TRAPPC9: variants seen among roughly 807,000 people sequenced by gnomAD.
The protein encoded by TRAPPC9 is IKK2 binding protein.
In TRAPPC9, 83 loss-of-function variants were observed where a neutral mutation model predicts 124.0. The observed-to-expected ratio is 0.67, with a 90% CI of 0.56 to 0.80. The LOEUF is 0.80. TRAPPC9 is among the 30% of genes least tolerant of loss of function. The probability of loss-of-function intolerance (pLI) is 0.00; values close to 1 mark genes in which losing one functional copy is unlikely to be tolerated. For missense variants in TRAPPC9, 1,302 were observed against 1,508.3 expected (o/e 0.86, Z 2.27); for synonymous variants, 638 against 617.5 (o/e 1.03, Z -0.49).
intron 21 of TRAPPC9, among the ~76,000 whole-genome samples, chr8:139,804,493 C>T (rs949947002): frequency 5.0e-5 from 7 of 139,436 alleles, no homozygotes; most frequent in African/African-American, 1.9e-4. Flanking sequence ...ACCACCACCA[C>T]ACACACAACC....
intron 17 of TRAPPC9, chr8:140,095,238 T>C (rs563805652): frequency 2.0e-5 from 3 of 152,322 alleles, no homozygotes; most frequent in Admixed American, 2.0e-4. Context: ...AGCTGGTGCG[T>C]GAATGAGCTG....
At chr8:139,791,219 A>T (rs1822638037) in intron 21 of TRAPPC9, among the ~76,000 whole-genome samples, 1 of 152,122 alleles carries the variant, frequency 6.6e-6, no homozygotes, top group East Asian at 1.9e-4. Flanking sequence ...AGCTTCGGGC[A>T]ACTGTGGCAG....
rs79261113 is a variant in TRAPPC9 at position 140,063,499 on chromosome 8, G to A, written c.2557-39420C>T. On this transcript the variant is annotated intron_variant, in intron 17 of 22. Coordinates refer to ENST00000438773, the MANE Select transcript of TRAPPC9 (RefSeq NM_001160372.4). This position sits in a 1 kb window ranked among gnomAD's most constrained non-coding sequence, Gnocchi z 4.3. Reference sequence around the variant, plus strand: ...CAGGGCTCTAAACACATCAGACTGTGCCTTATCCAAGCCTATACCATAAGA... The same window carrying A: ...CAGGGCTCTAAACACATCAGACTGTACCTTATCCAAGCCTATACCATAAGA... Among the ~76,000 whole-genome samples the A allele has an allele frequency of 6.9e-3, 1,047 of 152,254 alleles. 8 individuals are homozygous for A. The highest frequency in any genetic ancestry group is 0.023 in the African/African-American group (973 of 41,532).
At chr8:140,321,210 A>G (rs976694701) in intron 9 of TRAPPC9, among the ~76,000 whole-genome samples, 3 of 152,204 alleles carry the variant, frequency 2.0e-5, no homozygotes, top group Non-Finnish European at 4.4e-5. Flanking sequence ...AGGCAGTCTC[A>G]TGGGGCTAGG....
chr8:140,421,798 A>G (rs1240307519), intron 5 of TRAPPC9, among the ~76,000 whole-genome samples: 1 of 152,130 alleles, frequency 6.6e-6, no homozygotes, highest in Non-Finnish European at 1.5e-5. Flanking sequence ...TAGTCATGAC[A>G]CTACCTTTAT....
chr8:140,110,713 C>CG (rs1375498765), intron 17 of TRAPPC9, among the ~76,000 whole-genome samples: 1 of 35,384 alleles, frequency 2.8e-5, no homozygotes, highest in Non-Finnish European at 6.2e-5. Context: ...AGCAGCTCCC[C>CG]CTGAACCCCC....
chr8:140,232,110 G>T (rs1428648159), intron 16 of TRAPPC9, among the ~76,000 whole-genome samples: 2 of 151,778 alleles, frequency 1.3e-5, no homozygotes, highest in African/African-American at 4.8e-5. Context: ...ATAGAGATGG[G>T]TCTTGCTATG....
At chr8:139,936,697 G>A (rs990075855) in intron 19 of TRAPPC9, among the ~76,000 whole-genome samples, 10 of 152,024 alleles carry the variant, frequency 6.6e-5, no homozygotes, top group Admixed American at 6.6e-4. Context: ...ATAAAGCATG[G>A]GGAGAGTGGG....
chr8:140,333,867 G>A (rs2066963230), intron 9 of TRAPPC9, among the ~76,000 whole-genome samples: 3 of 152,120 alleles, frequency 2.0e-5, no homozygotes, highest in Non-Finnish European at 4.4e-5. Flanking sequence ...TAAAGTAAGG[G>A]AATTTATAGC....
chr8:140,058,027 A>T (rs1842390420), intron 17 of TRAPPC9, among the ~76,000 whole-genome samples: 1 of 152,190 alleles, frequency 6.6e-6, no homozygotes, highest in Admixed American at 6.5e-5. Flanking sequence ...TTGTTTTTCT[A>T]AGCGCATTGC....
At chr8:140,044,653 A>C (rs1403404218) in intron 17 of TRAPPC9, among the ~76,000 whole-genome samples, 1 of 152,278 alleles carries the variant, frequency 6.6e-6, no homozygotes, top group Non-Finnish European at 1.5e-5. Context: ...GACGGAATAC[A>C]TAAATGACGA....
chr8:140,148,089 GCT>G (rs1352843818), intron 17 of TRAPPC9, among the ~76,000 whole-genome samples: 5 of 152,232 alleles, frequency 3.3e-5, no homozygotes, highest in African/African-American at 1.2e-4. Flanking sequence ...TGTGCTCCGT[GCT>G]CCCTTGTCAC....
chr8:139,936,563 G>A (rs1833531640), intron 19 of TRAPPC9, among the ~76,000 whole-genome samples: 1 of 152,244 alleles, frequency 6.6e-6, no homozygotes, highest in Admixed American at 6.5e-5. Context: ...CTGAGCAAGG[G>A]CAGGGCACCC....
At chr8:140,293,425 T>C (rs2065717842) in intron 11 of TRAPPC9, among the ~76,000 whole-genome samples, 1 of 152,272 alleles carries the variant, frequency 6.6e-6, no homozygotes, top group Admixed American at 6.5e-5. Flanking sequence ...CGTATGTTTA[T>C]TGCAGCACTA....
intron 21 of TRAPPC9, among the ~76,000 whole-genome samples, chr8:139,740,621 C>A (rs370803685): frequency 6.6e-6 from 1 of 152,326 alleles, no homozygotes. Context: ...GGGCCCCATG[C>A]GGGCCCTGCG....
At chr8:140,249,588 T>A (rs2064077348) in intron 16 of TRAPPC9, among the ~76,000 whole-genome samples, 1 of 149,080 alleles carries the variant, frequency 6.7e-6, no homozygotes, top group Non-Finnish European at 1.5e-5. Context: ...AGGCAAATCA[T>A]CTTTCACTCT....
chr8:139,739,022 A>T (rs919549163), intron 21 of TRAPPC9, among the ~76,000 whole-genome samples: 3 of 152,146 alleles, frequency 2.0e-5, no homozygotes, highest in Non-Finnish European at 4.4e-5. Context: ...AACGCGCCCC[A>T]GGCTAAGATC....
At chr8:140,404,779 A>G (rs1048375834) in intron 6 of TRAPPC9, among the ~76,000 whole-genome samples, 1 of 148,736 alleles carries the variant, frequency 6.7e-6, no homozygotes, top group Non-Finnish European at 1.5e-5. Flanking sequence ...TGCGTGTGTG[A>G]GCATGCTTGT....
At chr8:140,069,331 A>T (rs1843024886) in intron 17 of TRAPPC9, among the ~76,000 whole-genome samples, 1 of 152,122 alleles carries the variant, frequency 6.6e-6, no homozygotes, top group Non-Finnish European at 1.5e-5. Context: ...CAAATCAGCA[A>T]CTTAAGGCCT....
Sources: gnomAD v4.1 joint callset for allele counts (sites outside exome capture counted in the v4.1 genomes callset) on GRCh38, gnomAD v4.1.1 for gene constraint, Gnocchi (gnomAD v3.1) non-coding constraint, MANE v1.5 for transcripts, NCBI Gene and HGNC (gene_info 2026-07-23, HGNC 2026-07-21) for gene names.